The following APP variants were observed in gnomAD, a reference collection of about 807,000 sequenced individuals.
APP encodes the protein amyloid-beta precursor protein.
In APP, 31 loss-of-function variants were observed where a neutral mutation model predicts 101.4. The ratio of observed to expected loss-of-function variants is 0.31; its 90% CI spans 0.23 to 0.41. APP has a LOEUF of 0.41. Ranked by LOEUF, APP falls within the 10% of genes least tolerant of loss-of-function variation. The probability of loss-of-function intolerance (pLI) is 1.00; values close to 1 mark genes in which losing one functional copy is unlikely to be tolerated. For missense variants in APP, 839 were observed against 1,003.7 expected (o/e 0.84, Z 2.22); for synonymous variants, 366 against 364.4 (o/e 1.00, Z -0.05).
chr21:25,982,547 T>C (rs1486898015), intron 8 of APP, 70 bp from the exon 9 acceptor site: 11 of 1,452,994 alleles, frequency 7.6e-6, no homozygotes, highest in East Asian at 2.3e-5. Flanking sequence ...ACTCGTTTAA[T>C]AGAAAGCCGT....
At chr21:26,159,032 T>C (rs758204299) in intron 1 of APP, among the ~76,000 whole-genome samples, 1 of 152,124 alleles carries the variant, frequency 6.6e-6, no homozygotes, top group Non-Finnish European at 1.5e-5. Context: ...AGTATGTCCA[T>C]AAAATGAATA....
intron 3 of APP, among the ~76,000 whole-genome samples, chr21:26,074,824 A>G (rs981838040): frequency 1.3e-5 from 2 of 152,194 alleles, no homozygotes; most frequent in African/African-American, 4.8e-5. Flanking sequence ...ATCTAATGGT[A>G]TGTTTTATCT....
At chr21:25,944,045 A>G (rs2040700017) in intron 13 of APP, among the ~76,000 whole-genome samples, 2 of 151,882 alleles carry the variant, frequency 1.3e-5, no homozygotes, top group African/African-American at 4.8e-5. Context: ...CCCCCCCCCA[A>G]CCAAAAGCAA....
intron 8 of APP, among the ~76,000 whole-genome samples, chr21:25,995,367 G>A (rs2043012083): frequency 6.6e-6 from 1 of 152,106 alleles, no homozygotes. Flanking sequence ...TTCTTAAAAT[G>A]TGCTTCTGAA....
At chr21:26,076,399 C>T (rs1377651642) in intron 3 of APP, among the ~76,000 whole-genome samples, 2 of 152,114 alleles carry the variant, frequency 1.3e-5, no homozygotes, top group African/African-American at 2.4e-5. Flanking sequence ...AAGTTTCCAA[C>T]AGATTTGTAG....
chr21:25,917,622 A>G lies in APP; in HGVS notation c.1688-5660T>C, dbSNP rs73182457. 1.3e-3 allele frequency among the ~76,000 whole-genome samples: 205 copies of G among 152,348 alleles called. 1 individual carries two copies. The highest frequency in any genetic ancestry group is 2.5e-3 in the Non-Finnish European group (170 of 68,016). On this transcript the variant is annotated intron_variant, in intron 13 of 17. Transcript: ENST00000346798. ...GCATTAAATCAATCAGTTATGTGTT[A>G]CAAGTGTCAGTTATAATTACTGAAC...
intron 10 of APP, among the ~76,000 whole-genome samples, chr21:25,975,581 A>C (rs2146574016): frequency 6.6e-6 from 1 of 152,308 alleles, no homozygotes; most frequent in African/African-American, 2.4e-5. Flanking sequence ...GTAATTGACC[A>C]TAATAAACTG....
In APP at chr21:25,954,659, G is replaced by A. The variant is rs200500889; in HGVS notation, c.1618C>T (p.Arg540Cys). The A allele has an allele frequency of 5.6e-6, 9 of 1,614,016 alleles. No individual in the cohort carries two copies. Among genetic ancestry groups the A allele is most frequent in the East Asian group, 2.2e-5 (1 of 44,880 alleles). ...AGCAGGGAGAGAGACTGATTCATGC[G>A]CTCATAAATCACACGGAGGTGTGTC... ...VMTHLRVIYE[R>C]MNQSLSLLYN... Residue 540 changes from arginine to cysteine, a missense_variant, in exon 13 of 18, where the codon CGC becomes TGC. Coordinates refer to ENST00000346798, the MANE Select transcript of APP (RefSeq NM_000484.4).
At chr21:26,001,908 A>T (rs1437322439) in intron 6 of APP, among the ~76,000 whole-genome samples, 1 of 11,548 alleles carries the variant, frequency 8.7e-5, no homozygotes, top group Non-Finnish European at 1.9e-4. Flanking sequence ...CTCAGAGGGG[A>T]TATGGTCCCT....
At chr21:26,120,049 A>G (rs537565655) in intron 1 of APP, among the ~76,000 whole-genome samples, 1 of 152,196 alleles carries the variant, frequency 6.6e-6, no homozygotes, top group South Asian at 2.1e-4. Flanking sequence ...CTACTGTTTT[A>G]TATCAAATGT....
chr21:26,075,774 C>CA (rs1335159352), intron 3 of APP, among the ~76,000 whole-genome samples: 3 of 142,720 alleles, frequency 2.1e-5, no homozygotes, highest in African/African-American at 7.8e-5. Context: ...AAAATCTCTA[C>CA]AAGTGTTCCA....
intron 5 of APP, among the ~76,000 whole-genome samples, chr21:26,039,633 T>G (rs2830022): frequency 0.24 from 36,332 of 152,178 alleles, 5,161 homozygotes; most frequent in East Asian, 0.36. Flanking sequence ...AACATTCACT[T>G]CTCTTTAAAA....
At chr21:25,897,801 ACT>A (rs1192443256) in intron 15 of APP, 128 bp from the exon 16 acceptor site, 48 of 747,070 alleles carry the variant, frequency 6.4e-5, no homozygotes, top group Non-Finnish European at 9.6e-5. Flanking sequence ...TTGATAAATG[ACT>A]CTTAAAGAAA....
At chr21:26,103,733 C>T (rs1440364411) in intron 2 of APP, among the ~76,000 whole-genome samples, 1 of 152,242 alleles carries the variant, frequency 6.6e-6, no homozygotes, top group East Asian at 1.9e-4. Context: ...ATTACCGCTC[C>T]AATCTCTGTG....
intron 1 of APP, among the ~76,000 whole-genome samples, chr21:26,143,139 A>G (rs2063082960): frequency 6.6e-6 from 1 of 152,200 alleles, no homozygotes; most frequent in African/African-American, 2.4e-5. Flanking sequence ...CAAGTTAAAC[A>G]CTTACTATTA....
chr21:26,025,542 A>T (rs1187313737), intron 5 of APP, among the ~76,000 whole-genome samples: 2 of 152,216 alleles, frequency 1.3e-5, no homozygotes, highest in Non-Finnish European at 2.9e-5. Flanking sequence ...GGGTATCCCC[A>T]GGTTCCTTCT....
At chr21:26,085,525 G>A (rs527664657) in intron 3 of APP, among the ~76,000 whole-genome samples, 3 of 152,230 alleles carry the variant, frequency 2.0e-5, no homozygotes, top group African/African-American at 4.8e-5. Flanking sequence ...GATTACATAC[G>A]GGGATTTACA....
chr21:26,051,235 G>A (rs371353102), intron 4 of APP, 42 bp from the exon 5 acceptor site: 2 of 1,559,602 alleles, frequency 1.3e-6, no homozygotes, highest in Middle Eastern at 1.7e-4. Context: ...TAGAGTAGAT[G>A]TGTTTCATTG....
At chr21:26,015,741 G>A (rs1040837246) in intron 6 of APP, among the ~76,000 whole-genome samples, 2 of 152,130 alleles carry the variant, frequency 1.3e-5, no homozygotes, top group Admixed American at 1.3e-4. Flanking sequence ...GGCAGTATGT[G>A]AAATAGAAAG....
Sources: gnomAD v4.1 joint callset for allele counts (sites outside exome capture counted in the v4.1 genomes callset) on GRCh38, gnomAD v4.1.1 for gene constraint, MANE v1.5 for transcripts, NCBI Gene and HGNC (gene_info 2026-07-23, HGNC 2026-07-21) for gene names.